The following NKAIN2 variants were observed in gnomAD, a reference collection of about 807,000 sequenced individuals.
The protein encoded by NKAIN2 is sodium/potassium-transporting ATPase subunit beta-1-interacting protein 2.
NKAIN2 carries 14 observed loss-of-function variants against 32.6 expected under a neutral mutation model. That is an observed-to-expected ratio of 0.43 (90% confidence interval 0.28 to 0.67). The LOEUF (loss-of-function observed/expected upper bound fraction) is 0.67. Among genes scored for constraint, NKAIN2 ranks in the 30% least tolerant of loss-of-function variants. NKAIN2 has a pLI of 0.17. For synonymous variants in NKAIN2, 80 were observed against 87.2 expected (o/e 0.92, Z 0.46); for missense variants, 198 against 258.3 (o/e 0.77, Z 1.60).
rs547663121 is a variant in NKAIN2, at chr6:124,061,083, C to T, written c.55-221922C>T. Among the ~76,000 whole-genome samples the T allele has an allele frequency of 9.7e-4, 148 of 152,176 alleles. 1 individual carries two copies. The highest frequency in any genetic ancestry group is 3.3e-3 in the African/African-American group (137 of 41,548). ...TCAAAGGGCTCCAATCTCTGAGAGA[C>T]AGTAAATAATACAGTATTTAGGAAA... On this transcript the variant is annotated intron_variant, in intron 1 of 6. Transcript: ENST00000368417.
chr6:124,099,637 G>T (rs1288330264), intron 1 of NKAIN2, among the ~76,000 whole-genome samples: 4 of 152,204 alleles, frequency 2.6e-5, no homozygotes, highest in Admixed American at 6.5e-5. Flanking sequence ...TAAAGCTGTG[G>T]TTCTCAGGAG....
chr6:124,508,228 G>A (rs1778564391), intron 3 of NKAIN2, among the ~76,000 whole-genome samples: 1 of 152,048 alleles, frequency 6.6e-6, no homozygotes, highest in Non-Finnish European at 1.5e-5. Flanking sequence ...CTGCACTCTA[G>A]CCTGAGTGAC....
intron 1 of NKAIN2, among the ~76,000 whole-genome samples, chr6:124,050,769 G>A (rs1510292): frequency 0.1 from 15,542 of 152,004 alleles, 1,083 homozygotes; most frequent in African/African-American, 0.2. Flanking sequence ...TAATTCAGTT[G>A]AAAGCATTTT....
At chr6:123,817,253 A>G (rs1773732019) in intron 1 of NKAIN2, among the ~76,000 whole-genome samples, 1 of 152,138 alleles carries the variant, frequency 6.6e-6, no homozygotes. Context: ...AATGATAATG[A>G]TAATTATTTG....
At chr6:124,015,044 TG>T (rs1780498964) in intron 1 of NKAIN2, among the ~76,000 whole-genome samples, 1 of 152,218 alleles carries the variant, frequency 6.6e-6, no homozygotes, top group South Asian at 2.1e-4. Flanking sequence ...ATGTGTAATT[TG>T]AAGGACATAT....
intron 2 of NKAIN2, among the ~76,000 whole-genome samples, chr6:124,311,319 T>C (rs930675049): frequency 6.6e-6 from 1 of 152,040 alleles, no homozygotes; most frequent in African/African-American, 2.4e-5. Context: ...TATATCCCAT[T>C]TGAAAATACA....
intron 1 of NKAIN2, among the ~76,000 whole-genome samples, chr6:123,960,444 T>G (rs1777793258): frequency 6.6e-6 from 1 of 152,196 alleles, no homozygotes; most frequent in Admixed American, 6.5e-5. Context: ...GCTCTGAGTT[T>G]CTATCCAGAG....
At chr6:124,446,989 A>G (rs990886392) in intron 3 of NKAIN2, among the ~76,000 whole-genome samples, 5 of 152,094 alleles carry the variant, frequency 3.3e-5, no homozygotes, top group Admixed American at 1.3e-4. Context: ...ACAACAACGA[A>G]TAATTAAGTC....
chr6:124,059,611 G>T (rs1326513288), intron 1 of NKAIN2, among the ~76,000 whole-genome samples: 1 of 152,112 alleles, frequency 6.6e-6, no homozygotes, highest in Non-Finnish European at 1.5e-5. Flanking sequence ...TTCAGCACAT[G>T]TGAATGCATC....
intron 3 of NKAIN2, among the ~76,000 whole-genome samples, chr6:124,642,344 A>G (rs929861423): frequency 1.3e-5 from 2 of 152,234 alleles, no homozygotes; most frequent in African/African-American, 2.4e-5. Context: ...GGATAACTTT[A>G]GCATTGGGGG....
intron 3 of NKAIN2, among the ~76,000 whole-genome samples, chr6:124,631,097 C>A (rs1232205709): frequency 6.6e-6 from 1 of 152,174 alleles, no homozygotes; most frequent in African/African-American, 2.4e-5. Flanking sequence ...TTGGTTCTAG[C>A]TGTGAACAAT....
At chr6:124,682,344 A>G (rs993289956) in intron 4 of NKAIN2, among the ~76,000 whole-genome samples, 28 of 152,160 alleles carry the variant, frequency 1.8e-4, no homozygotes, top group Admixed American at 1.4e-3. Flanking sequence ...GCTTATCTGA[A>G]AAAGATGCTG....
At chr6:124,082,583 A>G (rs6936839) in intron 1 of NKAIN2, among the ~76,000 whole-genome samples, 2,089 of 152,142 alleles carry the variant, frequency 0.014, 52 homozygotes, top group African/African-American at 0.047. Flanking sequence ...ATTTAGAACA[A>G]TAGAATAATT....
At chr6:124,671,125 A>C (rs1773078163) in intron 4 of NKAIN2, among the ~76,000 whole-genome samples, 1 of 152,054 alleles carries the variant, frequency 6.6e-6, no homozygotes, top group Non-Finnish European at 1.5e-5. Flanking sequence ...ATTTAACACG[A>C]AGCCTTAAGG....
intron 4 of NKAIN2, among the ~76,000 whole-genome samples, chr6:124,769,827 A>G (rs1322078263): frequency 6.6e-6 from 1 of 152,162 alleles, no homozygotes; most frequent in African/African-American, 2.4e-5. Flanking sequence ...ACCTAACATG[A>G]AGATTCATGA....
At chr6:124,371,491 A>G (rs1240636090) in intron 3 of NKAIN2, among the ~76,000 whole-genome samples, 1 of 152,030 alleles carries the variant, frequency 6.6e-6, no homozygotes, top group Non-Finnish European at 1.5e-5. Flanking sequence ...CAGGAGTTCA[A>G]GACCAGTCTG....
chr6:124,446,446 G>A (rs1026016046), intron 3 of NKAIN2, among the ~76,000 whole-genome samples: 2 of 152,026 alleles, frequency 1.3e-5, no homozygotes, highest in African/African-American at 4.8e-5. Flanking sequence ...GGGCTCAAGT[G>A]ATCCTCCCAC....
intron 2 of NKAIN2, among the ~76,000 whole-genome samples, chr6:124,314,661 G>A (rs1796865954): frequency 6.6e-6 from 1 of 152,250 alleles, no homozygotes; most frequent in South Asian, 2.1e-4. Flanking sequence ...CCAGTCAGTA[G>A]CTGAATCCTG....
chr6:124,614,430 A>C (rs372841552), intron 3 of NKAIN2, among the ~76,000 whole-genome samples: 4 of 152,118 alleles, frequency 2.6e-5, no homozygotes, highest in African/African-American at 9.7e-5. Context: ...CCTTTGTCAT[A>C]TCTCTATTTT....
Sources: allele counts gnomAD v4.1 joint callset (sites outside exome capture counted in the v4.1 genomes callset), GRCh38; gene constraint gnomAD v4.1.1; transcripts MANE v1.5; gene names NCBI Gene and HGNC (gene_info 2026-07-23, HGNC 2026-07-21).